CHD9: variants seen among roughly 807,000 people sequenced by gnomAD.
CHD9 encodes the protein chromodomain helicase DNA binding protein 9.
A neutral mutation model predicts 316.1 loss-of-function variants in CHD9; 77 were observed. That is an observed-to-expected ratio of 0.24 (90% CI 0.20 to 0.29). CHD9 has a LOEUF of 0.29. Among genes scored for constraint, CHD9 ranks in the 10% least tolerant of loss-of-function variants. The probability of loss-of-function intolerance (pLI) is 1.00; values close to 1 mark genes in which losing one functional copy is unlikely to be tolerated. For synonymous variants in CHD9, 1,129 were observed against 1,158.3 expected (o/e 0.97, Z 0.51); for missense variants, 2,763 against 3,438.1 (o/e 0.80, Z 4.91).
At chr16:53,173,213 A>G (rs932532147) in intron 2 of CHD9, among the ~76,000 whole-genome samples, 1 of 152,190 alleles carries the variant, frequency 6.6e-6, no homozygotes, top group South Asian at 2.1e-4. Flanking sequence ...AATTTCTTTA[A>G]TAGGTGTAGG....
intron 12 of CHD9, among the ~76,000 whole-genome samples, chr16:53,239,527 CA>C (rs1315198149): frequency 6.6e-6 from 1 of 151,968 alleles, no homozygotes; most frequent in African/African-American, 2.4e-5. Context: ...AATAAATTCA[CA>C]AAAAAACTGT....
intron 2 of CHD9, among the ~76,000 whole-genome samples, chr16:53,158,244 G>T (rs1289727645): frequency 6.6e-6 from 1 of 152,090 alleles, no homozygotes; most frequent in South Asian, 2.1e-4. Flanking sequence ...CATAGCAGAA[G>T]TATATACCCA....
intron 1 of CHD9, among the ~76,000 whole-genome samples, chr16:53,096,435 C>T (rs2152562674): frequency 6.6e-6 from 1 of 152,178 alleles, no homozygotes. Flanking sequence ...TATTAAGTGC[C>T]AGGTGCTATA....
chr16:53,207,953 G>A (rs1289019559), intron 2 of CHD9: 12 of 817,730 alleles, frequency 1.5e-5, no homozygotes, highest in South Asian at 5.4e-5. Context: ...GCCTACTTCC[G>A]CAGAAGGAGT....
chr16:53,061,237 C>G (rs993737801), intron 1 of CHD9, among the ~76,000 whole-genome samples: 4 of 152,052 alleles, frequency 2.6e-5, no homozygotes, highest in African/African-American at 9.7e-5. Flanking sequence ...AAGATGCTGT[C>G]TCTTTAAAAC....
intron 1 of CHD9, among the ~76,000 whole-genome samples, chr16:53,153,473 T>C (rs2041275449): frequency 6.6e-6 from 1 of 152,156 alleles, no homozygotes. Context: ...ATCAAACATT[T>C]TCCAACTTAA....
intron 3 of CHD9, among the ~76,000 whole-genome samples, chr16:53,214,587 A>G (rs1463446466): frequency 6.6e-6 from 1 of 152,162 alleles, no homozygotes; most frequent in African/African-American, 2.4e-5. Context: ...TACTGCTTGC[A>G]TGTAAATTAC....
At position 53,066,564 on chromosome 16, in the gene CHD9, C is replaced by G. The variant is rs115128723; in HGVS notation, c.-165+11487C>G. ...TCCTGGAGGAGAGGTGGCTCCTGCCCGGTCTCACAGGGGAAACCCAGCTCT... is the reference window on the plus strand; with the variant it reads ...TCCTGGAGGAGAGGTGGCTCCTGCCGGGTCTCACAGGGGAAACCCAGCTCT... On this transcript the variant is annotated intron_variant, in intron 1 of 38. Coordinates refer to ENST00000447540, the MANE Select transcript of CHD9 (RefSeq NM_001308319.2). Among the ~76,000 whole-genome samples, 1,299 of 152,240 alleles carry G rather than the reference C, an allele frequency of 8.5e-3. 24 individuals carry two copies. The highest frequency in any genetic ancestry group is 0.029 in the African/African-American group (1,208 of 41,544).
rs756027108 is a variant in CHD9, at chr16:53,314,433, A to G, written c.7279A>G (p.Ile2427Val). ...TGGTGTGATATTAGACAACCAGCCT[A>G]TAGTCAAAAAAAGGCGAGGAAGGAG... ...ANGVILDNQP[I>V]VKKRRGRRKN... Residue 2427 changes from isoleucine to valine, a missense_variant, in exon 35 of 39, where the codon ATA becomes GTA. By Grantham distance (29) the Ile-to-Val change is conservative. Transcript: ENST00000447540. 1 of 1,589,858 alleles carries G rather than the reference A, an allele frequency of 6.3e-7. No individual in the cohort carries two copies. The highest frequency in any genetic ancestry group is 8.6e-7 in the Non-Finnish European group (1 of 1,166,602).
rs1372087050 is a variant in CHD9 at position 53,249,552 on chromosome 16, AAT to A, written c.3666-314_3666-313del. Among the ~76,000 whole-genome samples the A allele has an allele frequency of 3.3e-5, 5 of 152,328 alleles. No homozygotes were observed. The East Asian group carries it at 7.7e-4, about 23-fold the overall frequency. ...GTGAAAGTATTTCTTGCAAAAAAGT[AAT>A]ATATTATGATGAGATCAGCAAAGCA... is the stretch of plus-strand genomic sequence containing the variant. On this transcript the variant is annotated intron_variant, in intron 16 of 38. Coordinates refer to ENST00000447540, the MANE Select transcript of CHD9 (RefSeq NM_001308319.2).
intron 37 of CHD9, chr16:53,321,294 T>C (rs2057259221): frequency 7.5e-7 from 1 of 1,341,494 alleles, no homozygotes; most frequent in South Asian, 1.5e-5. Flanking sequence ...CATTTTACTG[T>C]TCTAGTTATT....
chr16:53,212,383 T>C (rs2046401067), intron 3 of CHD9, among the ~76,000 whole-genome samples: 1 of 150,832 alleles, frequency 6.6e-6, no homozygotes, highest in African/African-American at 2.4e-5. Flanking sequence ...CCAGCCTGGC[T>C]GACAGAGCGA....
intron 1 of CHD9, among the ~76,000 whole-genome samples, chr16:53,087,041 G>A (rs967846940): frequency 1.3e-5 from 2 of 152,074 alleles, no homozygotes; most frequent in Non-Finnish European, 2.9e-5. Context: ...TTATTACTAC[G>A]AAACTGTCAT....
chr16:53,085,646 G>A lies in CHD9; in HGVS notation c.-165+30569G>A, dbSNP rs148298409. The stretch of plus-strand genomic sequence containing the variant: ...TTTGCTTCCCAGATAACACACACCC[G>A]CTTTAGCAATAACCTTCTGGGAATC... On this transcript the variant is annotated intron_variant, in intron 1 of 38. Transcript: ENST00000447540. 2.3e-3 allele frequency among the ~76,000 whole-genome samples: 349 copies of A among 152,252 alleles called. 1 individual carries two copies. The highest frequency in any genetic ancestry group is 4.1e-3 in the Non-Finnish European group (277 of 68,020).
At chr16:53,240,985 A>C (rs1038011730) in intron 12 of CHD9, among the ~76,000 whole-genome samples, 1 of 152,162 alleles carries the variant, frequency 6.6e-6, no homozygotes, top group Admixed American at 6.5e-5. Flanking sequence ...CTGTGATATC[A>C]ACTTAACTGA....
intron 1 of CHD9, among the ~76,000 whole-genome samples, chr16:53,057,553 C>A (rs2032311367): frequency 6.6e-6 from 1 of 151,774 alleles, no homozygotes; most frequent in African/African-American, 2.4e-5. Context: ...GCTTGGGAGG[C>A]TGAGGCAGGA....
At chr16:53,082,605 TC>T (rs1032749989) in intron 1 of CHD9, among the ~76,000 whole-genome samples, 3 of 152,234 alleles carry the variant, frequency 2.0e-5, no homozygotes, top group African/African-American at 7.2e-5. Context: ...GTTCTCAGCC[TC>T]AGCTTATAGC....
intron 10 of CHD9, among the ~76,000 whole-genome samples, chr16:53,233,519 T>G (rs1235643211): frequency 6.6e-6 from 1 of 152,030 alleles, no homozygotes. Flanking sequence ...TCCTCTTGGG[T>G]TTTTATGGAG....
intron 16 of CHD9, 96 bp from the exon 17 acceptor site, chr16:53,249,775 C>G (rs2049977647): frequency 1.0e-6 from 1 of 962,216 alleles, no homozygotes; most frequent in East Asian, 2.6e-5. Context: ...TTAGAGAAAA[C>G]ATAATGCTGC....
Sources: allele counts gnomAD v4.1 joint callset (sites outside exome capture counted in the v4.1 genomes callset), GRCh38; gene constraint gnomAD v4.1.1; transcripts MANE v1.5; gene names NCBI Gene and HGNC (gene_info 2026-07-23, HGNC 2026-07-21).